HPSE2: variants seen among roughly 807,000 people sequenced by gnomAD.
HPSE2 encodes inactive heparanase-2.
Under a neutral mutation model 60.5 loss-of-function variants are expected in HPSE2, and 38 were observed. That is an observed-to-expected ratio of 0.63 (90% CI 0.48 to 0.82). The LOEUF (loss-of-function observed/expected upper bound fraction) is 0.82. Among genes scored for constraint, HPSE2 ranks in the 40% least tolerant of loss-of-function variants. The probability of loss-of-function intolerance (pLI) is 0.00; values close to 1 mark genes in which losing one functional copy is unlikely to be tolerated. For synonymous variants in HPSE2, 295 were observed against 293.2 expected, an observed-to-expected ratio of 1.01 and a Z score of -0.06; for missense variants, 713 against 740.4, an observed-to-expected ratio of 0.96 and a Z score of 0.43.
intron 9 of HPSE2, among the ~76,000 whole-genome samples, chr10:98,518,934 G>C (rs1420758584): frequency 3.9e-5 from 6 of 152,080 alleles, no homozygotes; most frequent in African/African-American, 1.4e-4. Context: ...CAAGGTCCAA[G>C]ACAGATAAGA....
chr10:98,867,031 A>G (rs1564620820), intron 3 of HPSE2, among the ~76,000 whole-genome samples: 1 of 152,220 alleles, frequency 6.6e-6, no homozygotes, highest in African/African-American at 2.4e-5. Context: ...ACACAGAGAA[A>G]TGACAACCAA....
intron 3 of HPSE2, among the ~76,000 whole-genome samples, chr10:98,854,102 G>A (rs1952248793): frequency 6.6e-6 from 1 of 152,112 alleles, no homozygotes; most frequent in African/African-American, 2.4e-5. Flanking sequence ...AAGATCTACA[G>A]TTAAGAATGA....
intron 6 of HPSE2, among the ~76,000 whole-genome samples, chr10:98,676,332 C>A (rs1389423083): frequency 1.3e-5 from 2 of 152,128 alleles, no homozygotes; most frequent in Non-Finnish European, 2.9e-5. Context: ...AGCCCTCCAG[C>A]CTTACTCTTC....
intron 3 of HPSE2, among the ~76,000 whole-genome samples, chr10:99,044,719 TATATC>T (rs1463920559): frequency 2.6e-5 from 4 of 152,134 alleles, no homozygotes; most frequent in Non-Finnish European, 4.4e-5. Context: ...TTGTTATTCT[TATATC>T]AGATAAAATA....
rs200474199 is a variant in HPSE2 at position 98,927,786 on chromosome 10, T to G, written c.611-183730A>C. Reference sequence around the variant, plus strand: ...GTGCTGGGAAAACTGGCTAGCCATATGTAGAAAGCTGAAACTGGATCCCTT... The same window carrying G: ...GTGCTGGGAAAACTGGCTAGCCATAGGTAGAAAGCTGAAACTGGATCCCTT... On this transcript the variant is annotated intron_variant, in intron 3 of 11. Coordinates refer to ENST00000370552, the MANE Select transcript of HPSE2 (RefSeq NM_021828.5). Among the ~76,000 whole-genome samples the G allele has an allele frequency of 3.4e-3, 497 of 148,094 alleles. 1 individual carries two copies. The highest frequency in any genetic ancestry group is 4.4e-3 in the Non-Finnish European group (294 of 67,344).
At chr10:98,798,704 G>A (rs1489428050) in intron 3 of HPSE2, among the ~76,000 whole-genome samples, 1 of 152,126 alleles carries the variant, frequency 6.6e-6, no homozygotes, top group Non-Finnish European at 1.5e-5. Flanking sequence ...AAGCCTCATT[G>A]TAACCTCAAA....
At chr10:98,608,084 G>A (rs561986117) in intron 9 of HPSE2, among the ~76,000 whole-genome samples, 1 of 152,300 alleles carries the variant, frequency 6.6e-6, no homozygotes, top group South Asian at 2.1e-4. Context: ...TTTTATGAGA[G>A]GAAATTGATA....
At chr10:98,851,895 T>C (rs1952181445) in intron 3 of HPSE2, among the ~76,000 whole-genome samples, 1 of 152,188 alleles carries the variant, frequency 6.6e-6, no homozygotes, top group African/African-American at 2.4e-5. Context: ...TTCCTTACTT[T>C]GTCTTCTAAG....
At chr10:98,564,258 C>T (rs1159170426) in intron 9 of HPSE2, among the ~76,000 whole-genome samples, 4 of 152,186 alleles carry the variant, frequency 2.6e-5, no homozygotes, top group Admixed American at 2.6e-4. Flanking sequence ...AGATCCAAAC[C>T]TTCTGGGCCA....
chr10:98,722,426 C>G (rs986512746), intron 4 of HPSE2, among the ~76,000 whole-genome samples: 2 of 151,776 alleles, frequency 1.3e-5, no homozygotes, highest in Non-Finnish European at 2.9e-5. Flanking sequence ...GAAACCAATA[C>G]TGTTGATGCT....
At chr10:99,000,635 C>T (rs367872435) in intron 3 of HPSE2, among the ~76,000 whole-genome samples, 2 of 151,978 alleles carry the variant, frequency 1.3e-5, no homozygotes, top group African/African-American at 2.4e-5. Flanking sequence ...TTCAAGAGCT[C>T]GGATTCAGGC....
At chr10:98,851,124 T>C (rs1439817645) in intron 3 of HPSE2, among the ~76,000 whole-genome samples, 1 of 152,210 alleles carries the variant, frequency 6.6e-6, no homozygotes, top group Non-Finnish European at 1.5e-5. Context: ...CTGCTAACCA[T>C]ACATGTTGGG....
At chr10:98,826,928 G>A (rs993022542) in intron 3 of HPSE2, among the ~76,000 whole-genome samples, 6 of 152,032 alleles carry the variant, frequency 3.9e-5, no homozygotes, top group Admixed American at 1.3e-4. Context: ...CAGGAGGATC[G>A]CTTGAGACCA....
In HPSE2 at chr10:98,781,306, T is replaced by TTTTTTTTTTTTTTTTTTTTTTTTG. The variant is rs66481971; in HGVS notation, c.611-37251_611-37250insCAAAAAAAAAAAAAAAAAAAAAAA. Among the ~76,000 whole-genome samples the TTTTTTTTTTTTTTTTTTTTTTTTG allele has an allele frequency of 2.5e-5, 3 of 120,106 alleles. 1 individual carries two copies. Among genetic ancestry groups the TTTTTTTTTTTTTTTTTTTTTTTTG allele is most frequent in the Non-Finnish European group, 3.4e-5 (2 of 59,380 alleles). The allele number at this position is 120,106 out of a possible 152,430, so 78.8% of individuals were successfully genotyped here. ...CCACTTCTTTTTTTTTTTTTTTTTT[T>TTTTTTTTTTTTTTTTTTTTTTTTG]ATTTTTAAATTTGGTATTGGAGTAA... On this transcript the variant is annotated intron_variant, in intron 3 of 11. Coordinates refer to ENST00000370552, the MANE Select transcript of HPSE2 (RefSeq NM_021828.5).
At chr10:98,729,324 G>T (rs932187713) in intron 4 of HPSE2, among the ~76,000 whole-genome samples, 4 of 152,174 alleles carry the variant, frequency 2.6e-5, no homozygotes, top group Admixed American at 2.6e-4. Context: ...GGTAGACTAT[G>T]TAGGCTGCAG....
intron 3 of HPSE2, among the ~76,000 whole-genome samples, chr10:98,918,188 T>A (rs971697206): frequency 6.6e-6 from 1 of 152,178 alleles, no homozygotes; most frequent in Admixed American, 6.6e-5. Context: ...TTCTTACAGT[T>A]CCTTAAATAC....
At chr10:98,802,450 C>G (rs1950934215) in intron 3 of HPSE2, among the ~76,000 whole-genome samples, 2 of 146,838 alleles carry the variant, frequency 1.4e-5, no homozygotes, top group African/African-American at 5.0e-5. Flanking sequence ...AGGTATAACT[C>G]CTAAAGCTAT....
chr10:98,810,619 C>A (rs1951147217), intron 3 of HPSE2, among the ~76,000 whole-genome samples: 1 of 152,046 alleles, frequency 6.6e-6, no homozygotes, highest in Non-Finnish European at 1.5e-5. Context: ...TTGCTGTATT[C>A]TCAGCACTCA....
chr10:99,217,231 G>C (rs1265017304), intron 2 of HPSE2, among the ~76,000 whole-genome samples: 6 of 148,078 alleles, frequency 4.1e-5, no homozygotes. Context: ...AAACTTCCAG[G>C]TGATGCCCTC....
Sources: allele counts gnomAD v4.1 joint callset (sites outside exome capture counted in the v4.1 genomes callset), GRCh38; gene constraint gnomAD v4.1.1; transcripts MANE v1.5; gene names NCBI Gene and HGNC (gene_info 2026-07-23, HGNC 2026-07-21).